CNTNAP5: variants seen among roughly 807,000 people sequenced by gnomAD.
CNTNAP5 encodes contactin-associated protein-like 5.
A neutral mutation model predicts 150.2 loss-of-function variants in CNTNAP5; 72 were observed. The observed-to-expected ratio is 0.48, with a 90% confidence interval of 0.40 to 0.58. CNTNAP5 has a LOEUF of 0.58. Ranked by LOEUF, CNTNAP5 falls within the 20% of genes least tolerant of loss-of-function variation. The pLI is 0.00. For missense variants in CNTNAP5, 1,636 were observed against 1,626.2 expected (o/e 1.01, Z -0.10); for synonymous variants, 672 against 619.8 (o/e 1.08, Z -1.25).
intron 1 of CNTNAP5, among the ~76,000 whole-genome samples, chr2:124,068,358 T>G (rs1031075283): frequency 3.9e-5 from 6 of 152,098 alleles, no homozygotes; most frequent in Non-Finnish European, 8.8e-5. Context: ...AGCAAAGCCA[T>G]CTTCGACTCA....
intron 17 of CNTNAP5, among the ~76,000 whole-genome samples, chr2:124,788,670 G>A (rs1340852392): frequency 4.1e-5 from 6 of 147,136 alleles, no homozygotes; most frequent in South Asian, 4.2e-4. Flanking sequence ...GCATGATCTC[G>A]GCTCACTGTA....
chr2:124,607,989 G>A lies in CNTNAP5; in HGVS notation c.1757-1812G>A, dbSNP rs781100338. ...GCTGGAATGCAAGAGAGAATGCCATGAGAACAAGGATAACCTTGAGTTCAC... is the reference window on the plus strand; with the variant it reads ...GCTGGAATGCAAGAGAGAATGCCATAAGAACAAGGATAACCTTGAGTTCAC... On this transcript the variant is annotated intron_variant, in intron 11 of 23. Coordinates refer to ENST00000682447, the MANE Select transcript of CNTNAP5 (RefSeq NM_001367498.1). Among the ~76,000 whole-genome samples the A allele has an allele frequency of 2.6e-5, 4 of 152,226 alleles. No individual in the cohort carries two copies. In the South Asian group the frequency reaches 6.2e-4, roughly 24 times the overall value.
chr2:124,610,564 TAA>T (rs977145349), intron 12 of CNTNAP5, among the ~76,000 whole-genome samples: 1 of 152,224 alleles, frequency 6.6e-6, no homozygotes, highest in Non-Finnish European at 1.5e-5. Flanking sequence ...AAGGACATGG[TAA>T]GAGGCAATCA....
chr2:124,837,039 G>A (rs896697377), intron 19 of CNTNAP5, among the ~76,000 whole-genome samples: 1 of 151,972 alleles, frequency 6.6e-6, no homozygotes, highest in Admixed American at 6.6e-5. Context: ...CTGTGAGAGG[G>A]GATCGTGAAC....
At chr2:124,461,131 G>A (rs1003058240) in intron 6 of CNTNAP5, among the ~76,000 whole-genome samples, 6 of 151,964 alleles carry the variant, frequency 3.9e-5, no homozygotes, top group African/African-American at 1.5e-4. Context: ...ATTCCTCAGG[G>A]ATCTAGAACT....
At chr2:124,600,340 A>G (rs1279796082) in intron 11 of CNTNAP5, among the ~76,000 whole-genome samples, 2 of 152,314 alleles carry the variant, frequency 1.3e-5, no homozygotes, top group African/African-American at 2.4e-5. Flanking sequence ...TAGGCTAGAA[A>G]TGAGGGAAGC....
intron 12 of CNTNAP5, among the ~76,000 whole-genome samples, chr2:124,624,041 C>T (rs998559171): frequency 6.6e-5 from 10 of 152,170 alleles, no homozygotes; most frequent in Non-Finnish European, 1.2e-4. Flanking sequence ...GTGGTGACCA[C>T]ATAGGGCTTC....
chr2:124,747,938 C>G (rs1043930378), intron 14 of CNTNAP5, among the ~76,000 whole-genome samples: 10 of 151,376 alleles, frequency 6.6e-5, no homozygotes, highest in African/African-American at 2.2e-4. Flanking sequence ...CACTTGGCCC[C>G]CACCAGCTTC....
At chr2:124,742,664 A>G (rs956221734) in intron 13 of CNTNAP5, among the ~76,000 whole-genome samples, 7 of 151,888 alleles carry the variant, frequency 4.6e-5, no homozygotes, top group South Asian at 4.2e-4. Context: ...ATATATATAT[A>G]TGTAATTTGA....
At chr2:124,209,358 T>C (rs887783321) in intron 1 of CNTNAP5, among the ~76,000 whole-genome samples, 3 of 152,202 alleles carry the variant, frequency 2.0e-5, no homozygotes, top group African/African-American at 7.2e-5. Context: ...ATGGTCACCA[T>C]CTTGGCTGTC....
At chr2:124,282,991 GCTCT>G (rs1688050811) in intron 3 of CNTNAP5, among the ~76,000 whole-genome samples, 1 of 148,828 alleles carries the variant, frequency 6.7e-6, no homozygotes, top group Non-Finnish European at 1.5e-5. Flanking sequence ...GATGTCCATT[GCTCT>G]TTTTTTTTTT....
intron 1 of CNTNAP5, among the ~76,000 whole-genome samples, chr2:124,108,112 C>T (rs539113561): frequency 2.6e-5 from 4 of 152,286 alleles, no homozygotes; most frequent in African/African-American, 9.6e-5. Context: ...GCTGTCTGTC[C>T]TGCACCTGTG....
intron 11 of CNTNAP5, among the ~76,000 whole-genome samples, chr2:124,597,511 C>T (rs906221830): frequency 1.0e-4 from 15 of 150,580 alleles, no homozygotes; most frequent in African/African-American, 1.7e-4. Flanking sequence ...CCAAGAGATC[C>T]GCTGTTAGTC....
chr2:124,400,680 T>TTTTTTG (rs1691393859), intron 3 of CNTNAP5, among the ~76,000 whole-genome samples: 1 of 106,262 alleles, frequency 9.4e-6, no homozygotes, highest in African/African-American at 2.8e-5. Context: ...TTTTTTTTTT[T>TTTTTTG]TTTTTTTTGT....
At chr2:124,108,161 CACAAA>C (rs1683209140) in intron 1 of CNTNAP5, among the ~76,000 whole-genome samples, 1 of 152,120 alleles carries the variant, frequency 6.6e-6, no homozygotes, top group Admixed American at 6.6e-5. Context: ...GGTGAAATTG[CACAAA>C]AGTATTTTAG....
At chr2:124,845,898 T>G (rs958501192) in intron 19 of CNTNAP5, among the ~76,000 whole-genome samples, 1 of 152,138 alleles carries the variant, frequency 6.6e-6, no homozygotes, top group African/African-American at 2.4e-5. Context: ...TTAATCTTGC[T>G]AATGGTCTAT....
chr2:124,243,856 T>G (rs958180176), intron 3 of CNTNAP5, among the ~76,000 whole-genome samples: 3 of 152,154 alleles, frequency 2.0e-5, no homozygotes, highest in Non-Finnish European at 2.9e-5. Context: ...GACTATTTTA[T>G]TTTTTCTCAA....
chr2:124,765,551 A>G (rs1233612790), intron 16 of CNTNAP5, among the ~76,000 whole-genome samples: 1 of 152,178 alleles, frequency 6.6e-6, no homozygotes, highest in Non-Finnish European at 1.5e-5. Context: ...TCAGAATATA[A>G]TATTTATTAA....
intron 3 of CNTNAP5, among the ~76,000 whole-genome samples, chr2:124,302,230 T>C (rs1688581498): frequency 6.6e-6 from 1 of 152,224 alleles, no homozygotes; most frequent in Non-Finnish European, 1.5e-5. Context: ...TAGACAACTG[T>C]TACACAGACT....
Sources: gnomAD v4.1 joint callset for allele counts (sites outside exome capture counted in the v4.1 genomes callset) on GRCh38, gnomAD v4.1.1 for gene constraint, MANE v1.5 for transcripts, NCBI Gene and HGNC (gene_info 2026-07-23, HGNC 2026-07-21) for gene names.